Variants in KIF6 observed in about 807,000 individuals in gnomAD.
The protein encoded by KIF6 is kinesin-like protein KIF6.
In KIF6, 106 loss-of-function variants were observed where a neutral mutation model predicts 112.7. The observed-to-expected ratio is 0.94, with a 90% CI of 0.80 to 1.11. The LOEUF (loss-of-function observed/expected upper bound fraction) is 1.11, where lower values mean the gene tolerates loss of function less well. Ranked by LOEUF, KIF6 falls within the 50% of genes least tolerant of loss-of-function variation. The pLI is 0.00. For synonymous variants in KIF6, 339 were observed against 339.9 expected (o/e 1.00, Z 0.03); for missense variants, 929 against 964.0 (o/e 0.96, Z 0.48).
rs369470322 is a variant in KIF6, at chr6:39,692,478, G to A, written c.251+22214C>T. Among the ~76,000 whole-genome samples, 9 of 152,296 alleles carry A rather than the reference G, an allele frequency of 5.9e-5. No individual in the cohort carries two copies. The East Asian group carries it at 1.4e-3, about 23-fold the overall frequency. On this transcript the variant is annotated intron_variant, in intron 3 of 22. Coordinates refer to ENST00000287152, the MANE Select transcript of KIF6 (RefSeq NM_145027.6). ...TGGAGACACTGTGCAGTCTGGTTTT[G>A]TTTGAGGTCACTATAATAGATATTC...
intron 13 of KIF6, 32 bp downstream of exon 13, chr6:39,539,971 A>G (rs1778693203): frequency 2.0e-6 from 3 of 1,510,602 alleles, no homozygotes; most frequent in Admixed American, 2.0e-5. Context: ...CATTACAGAC[A>G]ATGAGAAATA....
intron 14 of KIF6, among the ~76,000 whole-genome samples, chr6:39,425,024 T>C (rs1326287159): frequency 6.6e-6 from 1 of 152,178 alleles, no homozygotes; most frequent in Non-Finnish European, 1.5e-5. Context: ...ATACTCATCA[T>C]GACTGGGGAA....
chr6:39,700,815 C>A (rs1327349615), intron 3 of KIF6, among the ~76,000 whole-genome samples: 1 of 151,950 alleles, frequency 6.6e-6, no homozygotes, highest in Non-Finnish European at 1.5e-5. Context: ...CCAGTTCAAG[C>A]CATTCTCATA....
intron 3 of KIF6, among the ~76,000 whole-genome samples, chr6:39,670,243 G>A (rs1036883492): frequency 1.4e-4 from 22 of 152,270 alleles, no homozygotes; most frequent in Non-Finnish European, 2.8e-4. Context: ...TCATCATAAT[G>A]CTGTTTTAGA....
chr6:39,586,282 G>C lies in KIF6; in HGVS notation c.969C>G (p.Ser323=). The C allele has an allele frequency of 6.2e-7, 1 of 1,614,146 alleles. No individual in the cohort carries two copies. Among genetic ancestry groups the C allele is most frequent in the Non-Finnish European group, 8.5e-7 (1 of 1,180,008 alleles). ...ATACATCAAGATTCCTTTTCTCCAA[G>C]GAGAGTGTTGCAATCATAGTTGTCA... is the stretch of plus-strand genomic sequence containing the variant. ...NCMTTMIATL[S]LEKRNLDESI... Residue 323 remains serine (S), a synonymous_variant, in exon 8 of 23, where the codon TCC becomes TCG. Coordinates refer to ENST00000287152, the MANE Select transcript of KIF6 (RefSeq NM_145027.6).
intron 9 of KIF6, 75 bp from the exon 10 acceptor site, chr6:39,578,234 CT>C (rs1247738694): frequency 1.1e-6 from 1 of 944,024 alleles, no homozygotes; most frequent in Non-Finnish European, 1.7e-6. Flanking sequence ...ACATACAGCT[CT>C]TAAAATTATG....
intron 15 of KIF6, among the ~76,000 whole-genome samples, chr6:39,415,777 A>C (rs1161402647): frequency 6.6e-6 from 1 of 152,226 alleles, no homozygotes; most frequent in Admixed American, 6.5e-5. Context: ...AGAGACCCAG[A>C]TCTGAGAAAT....
intron 7 of KIF6, among the ~76,000 whole-genome samples, chr6:39,593,925 T>C (rs2150680145): frequency 6.6e-6 from 1 of 152,356 alleles, no homozygotes; most frequent in African/African-American, 2.4e-5. Flanking sequence ...ACTTAAAGAT[T>C]ACATCTTTAA....
intron 3 of KIF6, among the ~76,000 whole-genome samples, chr6:39,678,785 A>C (rs1213000675): frequency 6.6e-6 from 1 of 152,226 alleles, no homozygotes; most frequent in Non-Finnish European, 1.5e-5. Context: ...AAAGATGAAC[A>C]AAAGGCTTGA....
intron 9 of KIF6, among the ~76,000 whole-genome samples, chr6:39,582,163 C>A (rs1005988232): frequency 6.6e-6 from 1 of 152,130 alleles, no homozygotes; most frequent in Non-Finnish European, 1.5e-5. Context: ...GCTTTTAAGT[C>A]AAATCTAATA....
In KIF6 at chr6:39,330,478, T is replaced by C. The variant is rs889058359; in HGVS notation, c.*6054A>G. The C allele has an allele frequency of 3.3e-5, 5 of 152,194 alleles. No homozygotes were observed. The highest frequency in any genetic ancestry group is 7.3e-5 in the Non-Finnish European group (5 of 68,072). The allele number at this position is 152,194 out of a possible 1,614,324, so 9.4% of individuals were successfully genotyped here. A position where few individuals can be genotyped will look rare whatever the true frequency, so the allele number is the denominator to read the frequency against. On this transcript the variant is annotated 3_prime_UTR_variant, in exon 23 of 23. Coordinates refer to ENST00000287152, the MANE Select transcript of KIF6 (RefSeq NM_145027.6). ...GCTTGCCTCAGTCTAAAGACAGTGA[T>C]GGAAAAGACAAACCCAGGAGATGTT...
chr6:39,371,404 C>T (rs947788932), intron 16 of KIF6, among the ~76,000 whole-genome samples: 2 of 152,132 alleles, frequency 1.3e-5, no homozygotes, highest in South Asian at 4.1e-4. Flanking sequence ...GGAACAGCAG[C>T]AAGTAACTGG....
chr6:39,609,786 C>T (rs2465675), intron 6 of KIF6, among the ~76,000 whole-genome samples: 4,080 of 152,198 alleles, frequency 0.027, 160 homozygotes, highest in African/African-American at 0.087. Context: ...TTTCAACCAG[C>T]TTTCTTAAGG....
At chr6:39,439,321 T>C (rs1345588751) in intron 13 of KIF6, among the ~76,000 whole-genome samples, 1 of 152,192 alleles carries the variant, frequency 6.6e-6, no homozygotes, top group Non-Finnish European at 1.5e-5. Flanking sequence ...GCCATGCTCA[T>C]TTCTAGAGCT....
At chr6:39,632,974 A>G (rs1014722197) in intron 5 of KIF6, among the ~76,000 whole-genome samples, 4 of 151,958 alleles carry the variant, frequency 2.6e-5, no homozygotes, top group Non-Finnish European at 5.9e-5. Context: ...ATTGACTTAA[A>G]AAGGAGATTT....
intron 3 of KIF6, among the ~76,000 whole-genome samples, chr6:39,713,773 T>G (rs1237189430): frequency 6.6e-6 from 1 of 152,204 alleles, no homozygotes; most frequent in Non-Finnish European, 1.5e-5. Context: ...TACTTGATTG[T>G]AAGTTACCTA....
chr6:39,488,781 G>T (rs1775291232), intron 13 of KIF6, among the ~76,000 whole-genome samples: 1 of 152,140 alleles, frequency 6.6e-6, no homozygotes. Context: ...GGCTTGTTTG[G>T]CAAATATAAA....
At chr6:39,677,094 TGA>T (rs1408753345) in intron 3 of KIF6, among the ~76,000 whole-genome samples, 1 of 152,164 alleles carries the variant, frequency 6.6e-6, no homozygotes, top group Non-Finnish European at 1.5e-5. Context: ...GCTTGATTAC[TGA>T]ATGCTGGCCC....
chr6:39,689,062 G>T (rs990376468), intron 3 of KIF6, among the ~76,000 whole-genome samples: 11 of 152,052 alleles, frequency 7.2e-5, no homozygotes, highest in African/African-American at 2.4e-4. Context: ...AGGCTGCAGT[G>T]AACTATGATT....
Sources: allele counts gnomAD v4.1 joint callset (sites outside exome capture counted in the v4.1 genomes callset), GRCh38; gene constraint gnomAD v4.1.1; transcripts MANE v1.5; gene names NCBI Gene and HGNC (gene_info 2026-07-23, HGNC 2026-07-21).